The following CCDC171 variants were observed in gnomAD, a reference collection of about 807,000 sequenced individuals.
CCDC171 encodes coiled-coil domain-containing protein 171.
A neutral mutation model predicts 168.2 loss-of-function variants in CCDC171; 177 were observed. The ratio of observed to expected loss-of-function variants is 1.05; its 90% CI spans 0.93 to 1.19. The LOEUF (loss-of-function observed/expected upper bound fraction) is 1.19, where lower values mean the gene tolerates loss of function less well. CCDC171 is among the 50% of genes most tolerant of loss of function. The pLI, the probability that CCDC171 is intolerant of heterozygous loss-of-function variation, is 0.00. For synonymous variants in CCDC171, 687 were observed against 540.8 expected (o/e 1.27, Z -3.75); for missense variants, 1,991 against 1,539.0 (o/e 1.29, Z -4.91).
At chr9:15,693,473 C>CAA (rs59900551) in intron 10 of CCDC171, among the ~76,000 whole-genome samples, 1 of 141,202 alleles carries the variant, frequency 7.1e-6, no homozygotes, top group African/African-American at 2.6e-5. Flanking sequence ...CTGGTGAGGA[C>CAA]AAAAAAAAAA....
intron 20 of CCDC171, among the ~76,000 whole-genome samples, chr9:15,780,787 T>G (rs2057625875): frequency 6.6e-6 from 1 of 152,238 alleles, no homozygotes; most frequent in South Asian, 2.1e-4. Context: ...ATTAATTTCA[T>G]TTTAGTTAAA....
intron 1 of CCDC171, among the ~76,000 whole-genome samples, chr9:16,057,930 A>G (rs1181894526): frequency 6.6e-6 from 1 of 152,220 alleles, no homozygotes; most frequent in African/African-American, 2.4e-5. Context: ...AGCAGGCAGC[A>G]GTGCAAATGA....
intron 21 of CCDC171, among the ~76,000 whole-genome samples, chr9:15,814,602 C>CT (rs1401884650): frequency 2.7e-5 from 4 of 146,444 alleles, no homozygotes; most frequent in East Asian, 3.9e-4. Flanking sequence ...TAAAGTTTTT[C>CT]TTTTTTTTCT....
At chr9:16,030,118 A>C (rs1042609193) in intron 6 of CCDC171, among the ~76,000 whole-genome samples, 2 of 152,256 alleles carry the variant, frequency 1.3e-5, no homozygotes, top group Non-Finnish European at 2.9e-5. Context: ...AGCCCTCATG[A>C]TCTTATCATG....
chr9:16,035,033 C>T (rs555396710), intron 6 of CCDC171, among the ~76,000 whole-genome samples: 7 of 152,316 alleles, frequency 4.6e-5, no homozygotes, highest in African/African-American at 1.2e-4. Context: ...AGACCTTTGA[C>T]GTCTCCGTTA....
chr9:15,770,498 CA>C (rs2056958254), intron 18 of CCDC171, among the ~76,000 whole-genome samples: 1 of 152,070 alleles, frequency 6.6e-6, no homozygotes, highest in South Asian at 2.1e-4. Context: ...ATCTACAGTA[CA>C]AATGTATCAT....
At chr9:15,693,337 T>A (rs769507457) in intron 10 of CCDC171, among the ~76,000 whole-genome samples, 11 of 152,202 alleles carry the variant, frequency 7.2e-5, no homozygotes, top group Non-Finnish European at 1.5e-4. Flanking sequence ...ATGAAGGGCA[T>A]CCTCCTAAAG....
upstream of CCDC171, among the ~76,000 whole-genome samples, chr9:16,041,420 G>T (rs1483696321): frequency 1.3e-5 from 2 of 152,216 alleles, no homozygotes; most frequent in Non-Finnish European, 2.9e-5. Flanking sequence ...AGGAAGTTTA[G>T]GTGGGAAAGA....
intron 6 of CCDC171, among the ~76,000 whole-genome samples, chr9:16,026,108 T>G (rs188309270): frequency 1.3e-5 from 2 of 152,044 alleles, no homozygotes; most frequent in African/African-American, 4.8e-5. Flanking sequence ...CGCTCCATGT[T>G]TTGCTGGAGA....
At chr9:15,739,355 G>A (rs910307802) in intron 16 of CCDC171, among the ~76,000 whole-genome samples, 1 of 152,170 alleles carries the variant, frequency 6.6e-6, no homozygotes, top group Non-Finnish European at 1.5e-5. Context: ...ATCAGGTTGA[G>A]GACAGTGGGA....
intron 3 of CCDC171, among the ~76,000 whole-genome samples, chr9:15,989,354 G>A (rs1008364288): frequency 1.3e-5 from 2 of 152,194 alleles, no homozygotes; most frequent in East Asian, 1.9e-4. Context: ...CAACAGACCT[G>A]CAGCTGAGGG....
downstream of CCDC171, among the ~76,000 whole-genome samples, chr9:15,978,493 T>G (rs1017348785): frequency 1.3e-5 from 2 of 152,162 alleles, no homozygotes; most frequent in Non-Finnish European, 2.9e-5. Context: ...TTTGCTCTCT[T>G]TAATCTGTGG....
At chr9:15,730,502 G>C (rs553244351) in intron 16 of CCDC171, among the ~76,000 whole-genome samples, 2 of 151,770 alleles carry the variant, frequency 1.3e-5, no homozygotes, top group South Asian at 4.2e-4. Flanking sequence ...GGTCACTTTT[G>C]TTCCTAAGTT....
At chr9:15,554,570 G>A (rs2038629009) in intron 1 of CCDC171, among the ~76,000 whole-genome samples, 1 of 152,136 alleles carries the variant, frequency 6.6e-6, no homozygotes, top group South Asian at 2.1e-4. Context: ...TGTCAGATAA[G>A]GAGGAAGGAC....
intron 6 of CCDC171, among the ~76,000 whole-genome samples, chr9:15,602,647 CTTTTTTTTTT>C (rs1161286304): frequency 9.8e-5 from 3 of 30,466 alleles, no homozygotes; most frequent in African/African-American, 3.7e-4. Context: ...TTTTTTTTTT[CTTTTTTTTTT>C]TTTTTTTTTT....
chr9:15,759,939 A>T (rs1288147907), intron 18 of CCDC171, among the ~76,000 whole-genome samples: 1 of 152,116 alleles, frequency 6.6e-6, no homozygotes, highest in East Asian at 1.9e-4. Context: ...TTTGATTTGT[A>T]ATTGACTCAT....
At chr9:15,663,974 G>C (rs1220014249) in intron 8 of CCDC171, among the ~76,000 whole-genome samples, 1 of 152,140 alleles carries the variant, frequency 6.6e-6, no homozygotes, top group African/African-American at 2.4e-5. Flanking sequence ...AACATGGATG[G>C]AACTGGAGGC....
intron 8 of CCDC171, among the ~76,000 whole-genome samples, chr9:15,665,285 A>G (rs2048652992): frequency 2.0e-5 from 3 of 152,156 alleles, no homozygotes; most frequent in African/African-American, 7.2e-5. Context: ...GGCTGCCTCC[A>G]GACTATTTTG....
intron 6 of CCDC171, 107 bp downstream of exon 6, chr9:15,594,279 G>A (rs1587245959): frequency 7.5e-6 from 5 of 669,906 alleles, no homozygotes; most frequent in Non-Finnish European, 1.2e-5. Context: ...ATAATTTCTA[G>A]TTTTGATTCT....
Sources: gnomAD v4.1 joint callset for allele counts (sites outside exome capture counted in the v4.1 genomes callset) on GRCh38, gnomAD v4.1.1 for gene constraint, MANE v1.5 for transcripts, NCBI Gene and HGNC (gene_info 2026-07-23, HGNC 2026-07-21) for gene names.